Variants in ELL2 observed in about 807,000 individuals in gnomAD.
ELL2 encodes RNA polymerase II elongation factor ELL2.
A neutral mutation model predicts 72.8 loss-of-function variants in ELL2; 21 were observed. The observed-to-expected ratio is 0.29, with a 90% CI of 0.20 to 0.42. The LOEUF (loss-of-function observed/expected upper bound fraction) is 0.42. Among genes scored for constraint, ELL2 ranks in the 10% least tolerant of loss-of-function variants. The pLI, the probability that ELL2 is intolerant of heterozygous loss-of-function variation, is 1.00. For missense variants in ELL2, 568 were observed against 772.8 expected (o/e 0.73, Z 3.14); for synonymous variants, 266 against 283.2 (o/e 0.94, Z 0.61).
At chr5:95,949,131 G>C (rs935557721) in intron 1 of ELL2, among the ~76,000 whole-genome samples, 2 of 152,112 alleles carry the variant, frequency 1.3e-5, no homozygotes, top group African/African-American at 2.4e-5. Context: ...CTTATTTCCA[G>C]GGACTATTCC....
chr5:95,934,767 T>A (rs1383426014), intron 2 of ELL2, among the ~76,000 whole-genome samples: 1 of 152,234 alleles, frequency 6.6e-6, no homozygotes, highest in Non-Finnish European at 1.5e-5. Context: ...ATATCCAGTT[T>A]TTCTCCTTAG....
rs1187881368 is a variant in ELL2, at chr5:95,948,429, C to CAAAAAAAAAAAAA, written c.148-5393_148-5381dup. On this transcript the variant is annotated intron_variant, in intron 1 of 11. Transcript: ENST00000237853. ...TGGGCAACAGAGCGAGACTCCGCCT[C>CAAAAAAAAAAAAA]AAAAAAAAAAAAAAAAAAAAAAAAG... Among the ~76,000 whole-genome samples, 249 of 35,216 alleles carry CAAAAAAAAAAAAA rather than the reference C, an allele frequency of 7.1e-3. 43 individuals carry two copies. Among genetic ancestry groups the CAAAAAAAAAAAAA allele is most frequent in the African/African-American group, 0.025 (207 of 8,256 alleles). 23.1% of individuals were successfully genotyped at this position (35,216 alleles called of 152,430 possible).
intron 9 of ELL2, among the ~76,000 whole-genome samples, chr5:95,892,249 C>T (rs1415317681): frequency 6.6e-6 from 1 of 151,984 alleles, no homozygotes; most frequent in Non-Finnish European, 1.5e-5. Flanking sequence ...TGGGCTCAAC[C>T]GATTCTCGTG....
chr5:95,923,050 T>G (rs6885567), intron 2 of ELL2, among the ~76,000 whole-genome samples: 56,761 of 151,786 alleles, frequency 0.37, 11,946 homozygotes, highest in African/African-American at 0.58. Context: ...CCAAGGCTGA[T>G]AAATTTTGGA....
intron 2 of ELL2, among the ~76,000 whole-genome samples, chr5:95,939,493 G>A (rs1750893445): frequency 6.6e-6 from 1 of 152,144 alleles, no homozygotes; most frequent in South Asian, 2.1e-4. Context: ...CATTGATTAG[G>A]CTACCTGTTT....
chr5:95,919,351 G>T lies in ELL2; in HGVS notation c.317+73C>A, dbSNP rs900166518. ...CGTTTATGGATGAATATTATGTATT[G>T]TATTGTTTAATTTTCTAAAACCCTC... On this transcript the variant is annotated intron_variant, in intron 3 of 11. Transcript: ENST00000237853. 3.3e-6 allele frequency: 5 copies of T among 1,507,368 alleles called. No individual in the cohort carries two copies. The African/African-American group carries it at 4.3e-5, about 13-fold the overall frequency. 93.4% of individuals were successfully genotyped at this position (1,507,368 alleles called of 1,614,324 possible).
chr5:95,911,776 G>A (rs1749612226), intron 4 of ELL2, among the ~76,000 whole-genome samples: 1 of 152,216 alleles, frequency 6.6e-6, no homozygotes, highest in African/African-American at 2.4e-5. Flanking sequence ...GATAAAAGGA[G>A]CTGGGGTTAT....
chr5:95,919,516 G>A lies in ELL2; in HGVS notation c.225C>T (p.Leu75=). 6.4e-7 allele frequency: 1 copy of A among 1,574,052 alleles called. No individual in the cohort carries two copies. Among genetic ancestry groups the A allele is most frequent in the Non-Finnish European group, 8.6e-7 (1 of 1,166,036 alleles). The part of the protein sequence containing the change: ...GLVKIPKNDP[L]NEVHNFNFYL... ...AAAAGTTAAAGTTATGAACTTCATTGAGGGGATCATTTTTGGGAATTTTGA... is the reference window on the plus strand; with the variant it reads ...AAAAGTTAAAGTTATGAACTTCATTAAGGGGATCATTTTTGGGAATTTTGA... The change falls in exon 3 of 12, where the codon CTC becomes CTT. Residue 75 remains leucine (L), a synonymous_variant. Transcript: ENST00000237853.
At chr5:95,924,489 G>T (rs1750215280) in intron 2 of ELL2, among the ~76,000 whole-genome samples, 1 of 152,154 alleles carries the variant, frequency 6.6e-6, no homozygotes, top group South Asian at 2.1e-4. Flanking sequence ...CTACAGGTCA[G>T]TTGGGAATAA....
intron 1 of ELL2, among the ~76,000 whole-genome samples, chr5:95,947,875 G>GT (rs61499032): frequency 3.3e-5 from 5 of 151,362 alleles, no homozygotes; most frequent in Non-Finnish European, 4.4e-5. Flanking sequence ...GAAAAAAATA[G>GT]TTTTTTTTTC....
At chr5:95,958,771 C>T (rs1751710158) in intron 1 of ELL2, among the ~76,000 whole-genome samples, 1 of 152,180 alleles carries the variant, frequency 6.6e-6, no homozygotes, top group Admixed American at 6.5e-5. Context: ...AAAAAGTCTT[C>T]CTCCTTTCCC....
chr5:95,919,388 A>T (rs1749959475), intron 3 of ELL2, 36 bp downstream of exon 3: 1 of 1,559,974 alleles, frequency 6.4e-7, no homozygotes, highest in East Asian at 2.4e-5. Context: ...TAAATAAAAA[A>T]TTTTTCCCCT....
At chr5:95,891,307 AC>A in intron 9 of ELL2, 33 bp from the exon 10 acceptor site, 1 of 1,576,566 alleles carries the variant, frequency 6.3e-7, no homozygotes. Context: ...GAGAGTAGCT[AC>A]CCAATAAACA....
In ELL2 at chr5:95,954,653, G is replaced by C. The variant is rs553374711; in HGVS notation, c.147+6922C>G. 3.5e-5 allele frequency among the ~76,000 whole-genome samples: 5 copies of C among 142,142 alleles called. No homozygotes were observed. The South Asian group carries it at 1.1e-3, about 31-fold the overall frequency. The allele number at this position is 142,142 out of a possible 152,430, so 93.3% of individuals were successfully genotyped here. ...GACAGGGTTTCACCGTGTTAGCCAG[G>C]ATGGTCTCGATTTCCTGACCTCGTG... On this transcript the variant is annotated intron_variant, in intron 1 of 11. Transcript: ENST00000237853.
intron 4 of ELL2, among the ~76,000 whole-genome samples, chr5:95,909,663 AC>A (rs1264586338): frequency 6.6e-6 from 1 of 152,230 alleles, no homozygotes; most frequent in Non-Finnish European, 1.5e-5. Context: ...CTCTTCCCAG[AC>A]CCAAATGCTA....
At chr5:95,916,572 C>A (rs1749809379) in intron 3 of ELL2, among the ~76,000 whole-genome samples, 1 of 152,136 alleles carries the variant, frequency 6.6e-6, no homozygotes, top group African/African-American at 2.4e-5. Context: ...GAACCAATAA[C>A]ACATCCACTG....
chr5:95,940,359 G>A (rs3756703), intron 2 of ELL2, among the ~76,000 whole-genome samples: 42,254 of 151,872 alleles, frequency 0.28, 6,447 homozygotes, highest in East Asian at 0.41. Flanking sequence ...TCAACCTAAG[G>A]GAACATGTTC....
intron 2 of ELL2, among the ~76,000 whole-genome samples, chr5:95,942,436 A>G (rs1751002549): frequency 6.6e-6 from 1 of 152,190 alleles, no homozygotes; most frequent in Non-Finnish European, 1.5e-5. Context: ...AAACTTTATC[A>G]TCTATCATAA....
At chr5:95,911,931 T>G (rs573043384) in intron 4 of ELL2, among the ~76,000 whole-genome samples, 135 of 152,250 alleles carry the variant, frequency 8.9e-4, no homozygotes, top group Non-Finnish European at 1.6e-3. Flanking sequence ...CCGAGATCGA[T>G]GCAAGCCTCT....
Sources: allele counts gnomAD v4.1 joint callset (sites outside exome capture counted in the v4.1 genomes callset), GRCh38; gene constraint gnomAD v4.1.1; transcripts MANE v1.5; gene names NCBI Gene and HGNC (gene_info 2026-07-23, HGNC 2026-07-21).